The following CCDC38 variants were observed in gnomAD, a reference collection of about 807,000 sequenced individuals.
CCDC38 encodes coiled-coil domain containing 38.
Under a neutral mutation model 72.8 loss-of-function variants are expected in CCDC38, and 69 were observed. The ratio of observed to expected loss-of-function variants is 0.95; its 90% CI spans 0.78 to 1.16. CCDC38 has a LOEUF of 1.16. Among genes scored for constraint, CCDC38 ranks in the 50% most tolerant of loss-of-function variants. CCDC38 has a pLI of 0.00. For synonymous variants in CCDC38, 201 were observed against 213.2 expected (o/e 0.94, Z 0.50); for missense variants, 626 against 638.9 (o/e 0.98, Z 0.22).
At position 95,908,146 on chromosome 12, in the gene CCDC38, C is replaced by A. The variant is rs949388565; in HGVS notation, c.305-1695G>T. On this transcript the variant is annotated intron_variant, in intron 4 of 15. Coordinates refer to ENST00000344280, the MANE Select transcript of CCDC38 (RefSeq NM_182496.3). ...TGGATGTTGTAGGGAGCCGAGATCACGCCACTGCACTCCAGCCTGGGCACC... is the reference window on the plus strand; with the variant it reads ...TGGATGTTGTAGGGAGCCGAGATCAAGCCACTGCACTCCAGCCTGGGCACC... 3.3e-5 allele frequency among the ~76,000 whole-genome samples: 5 copies of A among 151,798 alleles called. No homozygotes were observed. The South Asian group carries it at 8.3e-4, about 25-fold the overall frequency.
chr12:95,888,169 G>GT, intron 10 of CCDC38, among the ~76,000 whole-genome samples: 1 of 152,154 alleles, frequency 6.6e-6, no homozygotes, highest in Non-Finnish European at 1.5e-5. Context: ...CAAACACACA[G>GT]GCTAGCAGAA....
chr12:95,917,210 G>T lies in CCDC38; in HGVS notation c.223C>A (p.Leu75Ile), dbSNP rs1481256215. The change falls in exon 4 of 16, where the codon CTA becomes ATA. Residue 75 changes from leucine (L) to isoleucine (I), a missense_variant. Leu to Ile is a conservative substitution (Grantham distance 5, BLOSUM62 2). Transcript: ENST00000344280. ...CCACTCCTTTTAGGGTAGAAAGCTA[G>T]TTGGCTCAGGTATGAATGACTCTTC... ...RMKSHSYLSQ[L>I]AFYPKRSGRS... 1 of 1,610,618 alleles carries T rather than the reference G, an allele frequency of 6.2e-7. No homozygotes were observed.
At chr12:95,929,317 C>A (rs1284650004) in intron 2 of CCDC38, among the ~76,000 whole-genome samples, 1 of 152,178 alleles carries the variant, frequency 6.6e-6, no homozygotes, top group African/African-American at 2.4e-5. Context: ...TGCCATCTGT[C>A]ACCCCTTTCT....
At chr12:95,902,303 C>G (rs775866023) in intron 5 of CCDC38, among the ~76,000 whole-genome samples, 15 of 152,114 alleles carry the variant, frequency 9.9e-5, no homozygotes, top group Non-Finnish European at 1.9e-4. Context: ...ATCATCACCA[C>G]AATCAAAACA....
intron 4 of CCDC38, among the ~76,000 whole-genome samples, chr12:95,914,553 T>A (rs1462290018): frequency 6.6e-6 from 1 of 152,146 alleles, no homozygotes; most frequent in East Asian, 1.9e-4. Flanking sequence ...TACTTTAATA[T>A]GAAACTCTAG....
At chr12:95,932,542 G>A (rs1441549619) in intron 2 of CCDC38, among the ~76,000 whole-genome samples, 5 of 151,858 alleles carry the variant, frequency 3.3e-5, no homozygotes, top group Admixed American at 6.6e-5. Flanking sequence ...TTTGAACCCC[G>A]AGCAGCTAGG....
chr12:95,922,899 G>A (rs911026467), intron 2 of CCDC38, among the ~76,000 whole-genome samples: 1 of 152,120 alleles, frequency 6.6e-6, no homozygotes, highest in Non-Finnish European at 1.5e-5. Context: ...ACTGGGCCAT[G>A]GGTTCCCAGA....
At chr12:95,931,099 G>C (rs901304931) in intron 2 of CCDC38, among the ~76,000 whole-genome samples, 4 of 152,132 alleles carry the variant, frequency 2.6e-5, no homozygotes, top group Non-Finnish European at 5.9e-5. Context: ...CACTTCTGGA[G>C]GCCAGAAGTC....
intron 2 of CCDC38, among the ~76,000 whole-genome samples, chr12:95,928,528 TTCTC>T (rs2080298752): frequency 6.6e-6 from 1 of 152,264 alleles, no homozygotes; most frequent in Admixed American, 6.5e-5. Context: ...TGAAGCCTTC[TTCTC>T]TCAGCTCGTC....
chr12:95,869,280 G>A (rs747648383), intron 15 of CCDC38, among the ~76,000 whole-genome samples, 200 bp downstream of exon 15: 2 of 152,152 alleles, frequency 1.3e-5, no homozygotes, highest in Non-Finnish European at 2.9e-5. Context: ...TTACTAAAAT[G>A]TGTGTCTAAT....
chr12:95,881,782 A>G (rs1301441627), intron 10 of CCDC38, among the ~76,000 whole-genome samples: 1 of 152,240 alleles, frequency 6.6e-6, no homozygotes, highest in Non-Finnish European at 1.5e-5. Flanking sequence ...ACAAACAATG[A>G]GACCACATGG....
In CCDC38 at chr12:95,878,215, G is replaced by T; in HGVS notation, c.1274C>A (p.Ala425Asp). Residue 425 changes from alanine to aspartate, a missense_variant, in exon 13 of 16, where the codon GCT becomes GAT. Physicochemically the swap from Ala to Asp is moderately radical, Grantham distance 126. Coordinates refer to ENST00000344280, the MANE Select transcript of CCDC38 (RefSeq NM_182496.3). Reference sequence around the variant, plus strand: ...CATAGGCAAAGAGTGATTTACCTGAGCATCTGAATTAAATTCTCCAAAGCT... The same window carrying T: ...CATAGGCAAAGAGTGATTTACCTGATCATCTGAATTAAATTCTCCAAAGCT... Reference protein sequence around the residue: ...LFSFGEFNSDAQEILIDSLSK... With the variant: ...LFSFGEFNSDDQEILIDSLSK... The T allele has an allele frequency of 6.2e-7, 1 of 1,612,890 alleles. No individual in the cohort carries two copies. The highest frequency in any genetic ancestry group is 8.5e-7 in the Non-Finnish European group (1 of 1,179,658).
At chr12:95,909,585 C>A (rs1411363288) in intron 4 of CCDC38, among the ~76,000 whole-genome samples, 1 of 152,018 alleles carries the variant, frequency 6.6e-6, no homozygotes, top group Non-Finnish European at 1.5e-5. Flanking sequence ...CAAAATCTGG[C>A]AAAGACACAA....
intron 4 of CCDC38, among the ~76,000 whole-genome samples, chr12:95,910,411 C>A (rs2080079669): frequency 6.6e-6 from 1 of 151,996 alleles, no homozygotes; most frequent in African/African-American, 2.4e-5. Context: ...TGAAAGAATT[C>A]ATAGATGACA....
chr12:95,939,544 T>A (rs1360492070), intron 1 of CCDC38, among the ~76,000 whole-genome samples: 2 of 151,930 alleles, frequency 1.3e-5, no homozygotes, highest in African/African-American at 4.8e-5. Flanking sequence ...GACAGTAGAG[T>A]CTACAGGATT....
intron 4 of CCDC38, among the ~76,000 whole-genome samples, chr12:95,908,268 C>A (rs1300805526): frequency 6.6e-6 from 1 of 151,206 alleles, no homozygotes; most frequent in Non-Finnish European, 1.5e-5. Flanking sequence ...GAGACCAGCC[C>A]GGCCAACACA....
intron 5 of CCDC38, chr12:95,903,275 G>C: frequency 1.9e-6 from 1 of 532,448 alleles, no homozygotes; most frequent in Non-Finnish European, 3.3e-6. Context: ...CATAGGTTAT[G>C]GTAGTTTTAA....
At chr12:95,928,939 C>T (rs551377363) in intron 2 of CCDC38, among the ~76,000 whole-genome samples, 23 of 152,314 alleles carry the variant, frequency 1.5e-4, no homozygotes, top group African/African-American at 5.3e-4. Context: ...CTGCTCTCTT[C>T]AAAGCTGTCA....
intron 3 of CCDC38, among the ~76,000 whole-genome samples, chr12:95,917,775 G>A (rs1179286056): frequency 1.3e-5 from 2 of 151,524 alleles, no homozygotes; most frequent in African/African-American, 2.4e-5. Flanking sequence ...AGGAGGCTGA[G>A]GCACAAGAAT....
Sources: allele counts gnomAD v4.1 joint callset (sites outside exome capture counted in the v4.1 genomes callset), GRCh38; gene constraint gnomAD v4.1.1; transcripts MANE v1.5; gene names NCBI Gene and HGNC (gene_info 2026-07-23, HGNC 2026-07-21).